THSD7B: variants seen among roughly 807,000 people sequenced by gnomAD.
THSD7B encodes thrombospondin type-1 domain-containing protein 7B.
In THSD7B, 138 loss-of-function variants were observed where a neutral mutation model predicts 213.6. That is an observed-to-expected ratio of 0.65 (90% CI 0.56 to 0.74). The LOEUF (loss-of-function observed/expected upper bound fraction) is 0.74, where lower values mean the gene tolerates loss of function less well. Ranked by LOEUF, THSD7B falls within the 30% of genes least tolerant of loss-of-function variation. The pLI, the probability that THSD7B is intolerant of heterozygous loss-of-function variation, is 0.00. For missense variants in THSD7B, 1,931 were observed against 1,991.5 expected, an observed-to-expected ratio of 0.97 and a Z score of 0.58; for synonymous variants, 742 against 687.0, an observed-to-expected ratio of 1.08 and a Z score of -1.25.
chr2:137,215,770 TA>T (rs1242136849), intron 7 of THSD7B, among the ~76,000 whole-genome samples: 6 of 152,224 alleles, frequency 3.9e-5, no homozygotes, highest in Non-Finnish European at 1.5e-5. Flanking sequence ...CTACTTTGAA[TA>T]AGTGGAAATG....
At chr2:137,053,217 A>G (rs896376142) in intron 2 of THSD7B, among the ~76,000 whole-genome samples, 10 of 152,304 alleles carry the variant, frequency 6.6e-5, no homozygotes, top group African/African-American at 2.4e-4. Flanking sequence ...ATCCAAAATT[A>G]ATATAGCTTA....
chr2:136,947,056 T>C (rs990100973), intron 2 of THSD7B, among the ~76,000 whole-genome samples: 2 of 152,210 alleles, frequency 1.3e-5, no homozygotes, highest in African/African-American at 4.8e-5. Context: ...AAATCACCCA[T>C]CTTTTGCATC....
In THSD7B at chr2:137,486,020, G is replaced by A. The variant is rs558199435; in HGVS notation, c.3138+34997G>A. ...GCACTAAACATGGAAAGGAACAACC[G>A]GTACCAGCCGCTGCAAAATCATGCC... On this transcript the variant is annotated intron_variant, in intron 15 of 27. Transcript: ENST00000409968. Among the ~76,000 whole-genome samples, 262 of 152,244 alleles carry A rather than the reference G, an allele frequency of 1.7e-3. 1 individual carries two copies. Among genetic ancestry groups the A allele is most frequent in the African/African-American group, 6.1e-3 (253 of 41,542 alleles).
chr2:137,012,574 T>G (rs1686251483), intron 2 of THSD7B, among the ~76,000 whole-genome samples: 1 of 152,220 alleles, frequency 6.6e-6, no homozygotes, highest in African/African-American at 2.4e-5. Flanking sequence ...AAATGCAGCT[T>G]ATTCAGAATG....
At position 137,659,830 on chromosome 2, in the gene THSD7B, G is replaced by A. The variant is rs182640485; in HGVS notation, c.4458+84G>A. The A allele has an allele frequency of 9.7e-4, 1,286 of 1,331,252 alleles. 8 individuals are homozygous for A. In the Admixed American group the frequency reaches 0.019, roughly 20 times the overall value. 82.5% of individuals were successfully genotyped at this position (1,331,252 alleles called of 1,614,324 possible). A position where few individuals can be genotyped will look rare whatever the true frequency, so the allele number is the denominator to read the frequency against. ...ATCAGATGTTCTCCTGCCGGCTGCAGCCCAAGCAGCAGTTCCACGTGCCCA... is the reference window on the plus strand; with the variant it reads ...ATCAGATGTTCTCCTGCCGGCTGCAACCCAAGCAGCAGTTCCACGTGCCCA... On this transcript the variant is annotated intron_variant, in intron 25 of 27. Transcript: ENST00000409968.
chr2:137,375,182 T>G (rs930474463), intron 12 of THSD7B, among the ~76,000 whole-genome samples: 7 of 152,084 alleles, frequency 4.6e-5, no homozygotes, highest in African/African-American at 1.7e-4. Flanking sequence ...CTTTGCAGAG[T>G]TTAGAGGTAA....
intron 1 of THSD7B, among the ~76,000 whole-genome samples, chr2:136,790,844 A>C (rs536408362): frequency 6.6e-6 from 1 of 152,232 alleles, no homozygotes; most frequent in South Asian, 2.1e-4. Context: ...CAAGTGTAGC[A>C]GAGGAAACTG....
chr2:136,894,313 A>G (rs1168163205), intron 2 of THSD7B, among the ~76,000 whole-genome samples: 1 of 152,192 alleles, frequency 6.6e-6, no homozygotes, highest in African/African-American at 2.4e-5. Context: ...TTATTTGTAC[A>G]ACTTTATAAC....
intron 17 of THSD7B, among the ~76,000 whole-genome samples, chr2:137,589,976 G>T (rs1335474541): frequency 1.3e-5 from 2 of 152,072 alleles, no homozygotes; most frequent in Non-Finnish European, 2.9e-5. Context: ...TGCCAGTTGT[G>T]TTTAAAAATC....
At chr2:136,938,994 A>G (rs1006726634) in intron 2 of THSD7B, among the ~76,000 whole-genome samples, 3 of 152,210 alleles carry the variant, frequency 2.0e-5, no homozygotes, top group Non-Finnish European at 4.4e-5. Flanking sequence ...CAGTAATGGG[A>G]AGGATCTTAC....
At chr2:137,646,812 C>T (rs748721341) in intron 21 of THSD7B, among the ~76,000 whole-genome samples, 28 of 152,114 alleles carry the variant, frequency 1.8e-4, no homozygotes, top group Non-Finnish European at 3.4e-4. Context: ...AAGAGACTAT[C>T]TTAGATAAAT....
At chr2:137,639,225 C>G (rs574982867) in intron 20 of THSD7B, among the ~76,000 whole-genome samples, 1 of 152,304 alleles carries the variant, frequency 6.6e-6, no homozygotes, top group Non-Finnish European at 1.5e-5. Flanking sequence ...GCTGCTCCAG[C>G]TGTGGCTGAA....
At chr2:137,066,995 T>C (rs764779568) in intron 3 of THSD7B, among the ~76,000 whole-genome samples, 29 of 152,152 alleles carry the variant, frequency 1.9e-4, no homozygotes, top group Non-Finnish European at 3.5e-4. Flanking sequence ...AAGGTACTTT[T>C]TGGTACTTTA....
rs773677139 is a variant in THSD7B, at chr2:136,954,740, T to TAAAAAAAAAAAAG, written c.139+72424_139+72425insAAAAAAAAAAAGA. ...AAAAAAAAAAAAAAAAAAAAGAAAT[T>TAAAAAAAAAAAAG]ACATAAGAGCTTTTATACTGTTTAT... On this transcript the variant is annotated intron_variant, in intron 2 of 27. Coordinates refer to ENST00000409968, the MANE Select transcript of THSD7B (RefSeq NM_001316349.2). Among the ~76,000 whole-genome samples the TAAAAAAAAAAAAG allele has an allele frequency of 1.8e-4, 25 of 137,442 alleles. 2 individuals are homozygous for TAAAAAAAAAAAAG. The highest frequency in any genetic ancestry group is 7.4e-4 in the African/African-American group (24 of 32,258). The allele number at this position is 137,442 out of a possible 152,430, so 90.2% of individuals were successfully genotyped here. A position where few individuals can be genotyped will look rare whatever the true frequency, so the allele number is the denominator to read the frequency against.
chr2:137,602,973 C>G (rs1245950215), intron 17 of THSD7B, among the ~76,000 whole-genome samples: 1 of 152,176 alleles, frequency 6.6e-6, no homozygotes, highest in Non-Finnish European at 1.5e-5. Flanking sequence ...ATCCCAGAGT[C>G]TGACTGTCTG....
intron 8 of THSD7B, among the ~76,000 whole-genome samples, chr2:137,232,366 C>T (rs1048088612): frequency 2.6e-5 from 4 of 152,246 alleles, no homozygotes; most frequent in South Asian, 2.1e-4. Context: ...CAAACTTCAA[C>T]AGATATTTCT....
chr2:137,658,956 A>G (rs1358019678), intron 24 of THSD7B, among the ~76,000 whole-genome samples: 6 of 152,178 alleles, frequency 3.9e-5, no homozygotes, highest in Non-Finnish European at 8.8e-5. Context: ...TGTCTCTTTT[A>G]CTATCTTGAA....
Position 137,331,956 on chromosome 2 carries a change from C to T in THSD7B, c.2500+55930C>T, listed in dbSNP as rs371166352. On this transcript the variant is annotated intron_variant, in intron 12 of 27. Coordinates refer to ENST00000409968, the MANE Select transcript of THSD7B (RefSeq NM_001316349.2). ...GGAATTCCAGCTGGCCCACAAGCGCCGCACACAGCCCCGGTTCCCACTCGC... is the reference window on the plus strand; with the variant it reads ...GGAATTCCAGCTGGCCCACAAGCGCTGCACACAGCCCCGGTTCCCACTCGC... Among the ~76,000 whole-genome samples, 44 of 152,258 alleles carry T rather than the reference C, an allele frequency of 2.9e-4. 2 individuals carry two copies. The East Asian group carries it at 4.1e-3, about 14-fold the overall frequency.
intron 15 of THSD7B, among the ~76,000 whole-genome samples, chr2:137,464,085 A>T (rs1687939468): frequency 6.6e-6 from 1 of 152,138 alleles, no homozygotes; most frequent in African/African-American, 2.4e-5. Flanking sequence ...TGCCAGCCGG[A>T]CCCTGAATCT....
Sources: gnomAD v4.1 joint callset for allele counts (sites outside exome capture counted in the v4.1 genomes callset) on GRCh38, gnomAD v4.1.1 for gene constraint, MANE v1.5 for transcripts, NCBI Gene and HGNC (gene_info 2026-07-23, HGNC 2026-07-21) for gene names.